The following RUNX1 variants were observed in gnomAD, a reference collection of about 807,000 sequenced individuals.
The protein encoded by RUNX1 is runt-related transcription factor 1.
RUNX1 carries 19 observed loss-of-function variants against 42.8 expected under a neutral mutation model. The observed-to-expected ratio is 0.44, with a 90% CI of 0.31 to 0.65. The LOEUF (loss-of-function observed/expected upper bound fraction) is 0.65, where lower values mean the gene tolerates loss of function less well. Among genes scored for constraint, RUNX1 ranks in the 30% least tolerant of loss-of-function variants. RUNX1 has a pLI of 0.07. For missense variants in RUNX1, 528 were observed against 672.0 expected (o/e 0.79, Z 2.37); for synonymous variants, 271 against 289.4 (o/e 0.94, Z 0.64).
chr21:34,926,523 T>C (rs533261769), intron 2 of RUNX1, among the ~76,000 whole-genome samples: 4 of 42,032 alleles, frequency 9.5e-5, no homozygotes, highest in Non-Finnish European at 2.4e-4. Flanking sequence ...TCTGTCAGCA[T>C]TTTGATCTAC....
At chr21:34,985,094 A>C (rs2058875467) in intron 2 of RUNX1, among the ~76,000 whole-genome samples, 1 of 152,248 alleles carries the variant, frequency 6.6e-6, no homozygotes, top group Non-Finnish European at 1.5e-5. Context: ...AATACTTAGA[A>C]GACTTAGAAC....
At chr21:34,993,719 GCACA>G (rs772316421) in intron 2 of RUNX1, among the ~76,000 whole-genome samples, 7 of 23,710 alleles carry the variant, frequency 3.0e-4, no homozygotes, top group South Asian at 1.9e-3. Flanking sequence ...ACACACACAG[GCACA>G]CACACACAGA....
intron 2 of RUNX1, among the ~76,000 whole-genome samples, chr21:34,967,345 A>AAAAAAAAAAAAAAAAAAAAAAAAAAAAC (rs2058728067): frequency 6.8e-6 from 1 of 146,392 alleles, no homozygotes; most frequent in Non-Finnish European, 1.5e-5. Flanking sequence ...AAAAAAAAAA[A>AAAAAAAAAAAAAAAAAAAAAAAAAAAAC]AAAAAAAGAA....
intron 2 of RUNX1, among the ~76,000 whole-genome samples, chr21:34,951,483 G>A (rs1414431956): frequency 6.6e-6 from 1 of 152,010 alleles, no homozygotes. Flanking sequence ...CTATTCATCT[G>A]ACAAAGGGCT....
Position 34,834,615 on chromosome 21 carries a change from C to A in RUNX1, c.614-14G>T. The A allele has an allele frequency of 1.9e-6, 3 of 1,579,130 alleles. No homozygotes were observed. The highest frequency in any genetic ancestry group is 2.6e-6 in the Non-Finnish European group (3 of 1,156,012). On this transcript the variant is annotated splice_polypyrimidine_tract_variant and intron_variant, in intron 6 of 8. Coordinates refer to ENST00000675419, the MANE Select transcript of RUNX1 (RefSeq NM_001754.5). ...TCTGCCGATGTCCTATTGTGGGGAG[C>A]AGGGAGGGGAGGGGATGGGGGGAGG...
chr21:34,852,833 C>A (rs1160708638), intron 6 of RUNX1, among the ~76,000 whole-genome samples: 1 of 152,204 alleles, frequency 6.6e-6, no homozygotes, highest in Non-Finnish European at 1.5e-5. Flanking sequence ...AGTAGCTCAT[C>A]ATTCACTACC....
At position 34,978,009 on chromosome 21, in the gene RUNX1, G is replaced by A. The variant is rs111485622; in HGVS notation, c.58+70833C>T. On this transcript the variant is annotated intron_variant, in intron 2 of 8. Transcript: ENST00000675419. ...GTGATCTTGGCTCACTGCAAGCCCC[G>A]CCTCCCAGGTTCACCATTCTCCTGC... Among the ~76,000 whole-genome samples the A allele has an allele frequency of 7.9e-5, 12 of 151,414 alleles. 1 individual carries two copies. Among genetic ancestry groups the A allele is most frequent in the African/African-American group, 2.7e-4 (11 of 41,230 alleles).
At position 34,942,353 on chromosome 21, in the gene RUNX1, C is replaced by T. The variant is rs138706812; in HGVS notation, c.59-49390G>A. On this transcript the variant is annotated intron_variant, in intron 2 of 8. Transcript: ENST00000675419. ...AAATCATTTGCCTGTACACTGATGA[C>T]TATACCTGGTAAGGCTATATAAATG... 3.2e-3 allele frequency among the ~76,000 whole-genome samples: 486 copies of T among 152,216 alleles called. 6 individuals are homozygous for T. Among genetic ancestry groups the T allele is most frequent in the Admixed American group, 0.023 (354 of 15,292 alleles).
At chr21:34,846,691 T>C (rs1221722266) in intron 6 of RUNX1, among the ~76,000 whole-genome samples, 1 of 152,164 alleles carries the variant, frequency 6.6e-6, no homozygotes, top group Admixed American at 6.5e-5. Flanking sequence ...TCAAGATTCC[T>C]TTTAGAGTTC....
intron 2 of RUNX1, among the ~76,000 whole-genome samples, chr21:35,037,555 A>T (rs1285677498): frequency 1.3e-5 from 2 of 152,078 alleles, no homozygotes; most frequent in Non-Finnish European, 2.9e-5. Context: ...AGATATTCTC[A>T]ACACCGACCT....
rs757382908 is a variant in RUNX1, at chr21:34,788,245, C to T, written c.*3890G>A. ...GTGGGGGCTGGCTTAAATAGGACCA[C>T]ATTTCCCGTTGCTTTTTCAGTAGAT... On this transcript the variant is annotated 3_prime_UTR_variant, in exon 9 of 9. Coordinates refer to ENST00000675419, the MANE Select transcript of RUNX1 (RefSeq NM_001754.5). 3.0e-5 allele frequency: 7 copies of T among 233,566 alleles called. No homozygotes were observed. The highest frequency in any genetic ancestry group is 4.2e-5 in the Non-Finnish European group (5 of 118,032). The allele number at this position is 233,566 out of a possible 1,614,324, so 14.5% of individuals were successfully genotyped here.
At chr21:35,015,910 T>G (rs925729110) in intron 2 of RUNX1, among the ~76,000 whole-genome samples, 1 of 152,208 alleles carries the variant, frequency 6.6e-6, no homozygotes, top group Admixed American at 6.5e-5. Flanking sequence ...GTGTACAAGT[T>G]GTCCTGCACC....
chr21:35,017,205 T>G (rs1267896902), intron 2 of RUNX1, among the ~76,000 whole-genome samples: 2 of 152,196 alleles, frequency 1.3e-5, no homozygotes, highest in Non-Finnish European at 2.9e-5. Flanking sequence ...GGGTAAAGCC[T>G]TTCTTTCCAG....
chr21:34,889,858 C>G, intron 3 of RUNX1: 4 of 1,087,202 alleles, frequency 3.7e-6, no homozygotes, highest in Non-Finnish European at 4.5e-6. Flanking sequence ...TCCACGCCCT[C>G]CCTGCCGGGC....
chr21:34,994,555 A>C (rs2146847043), intron 2 of RUNX1, among the ~76,000 whole-genome samples: 1 of 152,324 alleles, frequency 6.6e-6, no homozygotes, highest in Middle Eastern at 3.4e-3. Context: ...ATGTGTGCAT[A>C]GGAGTGCAGT....
chr21:35,020,704 C>A (rs1354779050), intron 2 of RUNX1, among the ~76,000 whole-genome samples: 1 of 152,100 alleles, frequency 6.6e-6, no homozygotes, highest in Non-Finnish European at 1.5e-5. Context: ...TAGATTTAAG[C>A]CAGGACTGAT....
At chr21:35,042,723 G>T (rs1248425656) in intron 2 of RUNX1, among the ~76,000 whole-genome samples, 1 of 152,158 alleles carries the variant, frequency 6.6e-6, no homozygotes, top group Admixed American at 6.5e-5. Context: ...ACATAGGAGT[G>T]TCCTGCACCC....
At chr21:34,837,428 T>C (rs975999443) in intron 6 of RUNX1, among the ~76,000 whole-genome samples, 7 of 152,204 alleles carry the variant, frequency 4.6e-5, no homozygotes, top group African/African-American at 1.4e-4. Context: ...ACAAGCTAGA[T>C]CGAAGGAACA....
At chr21:34,877,981 C>A (rs189941922) in intron 5 of RUNX1, among the ~76,000 whole-genome samples, 1 of 152,016 alleles carries the variant, frequency 6.6e-6, no homozygotes, top group Non-Finnish European at 1.5e-5. Context: ...TGAGCCATGG[C>A]GTGGTGTGTT....
Sources: allele counts gnomAD v4.1 joint callset (sites outside exome capture counted in the v4.1 genomes callset), GRCh38; gene constraint gnomAD v4.1.1; transcripts MANE v1.5; gene names NCBI Gene and HGNC (gene_info 2026-07-23, HGNC 2026-07-21).